PTDSS2: variants seen among roughly 807,000 people sequenced by gnomAD.
PTDSS2 encodes the protein phosphatidylserine synthase 2, also known as PSS-2.
In PTDSS2, 41 loss-of-function variants were observed where a neutral mutation model predicts 64.7. The ratio of observed to expected loss-of-function variants is 0.63; its 90% CI spans 0.49 to 0.82. PTDSS2 has a LOEUF of 0.82. Ranked by LOEUF, PTDSS2 falls within the 40% of genes least tolerant of loss-of-function variation. PTDSS2 has a pLI of 0.00. For synonymous variants in PTDSS2, 297 were observed against 277.8 expected, an observed-to-expected ratio of 1.07 and a Z score of -0.69; for missense variants, 485 against 650.0, an observed-to-expected ratio of 0.75 and a Z score of 2.76.
intron 2 of PTDSS2, among the ~76,000 whole-genome samples, chr11:464,584 C>T (rs748105209): frequency 6.6e-6 from 1 of 152,218 alleles, no homozygotes; most frequent in East Asian, 1.9e-4. Flanking sequence ...CGCAGTTGCT[C>T]CTCCGGCCTG....
intron 4 of PTDSS2, among the ~76,000 whole-genome samples, chr11:480,773 T>C (rs1848032797): frequency 6.6e-6 from 1 of 152,096 alleles, no homozygotes; most frequent in Non-Finnish European, 1.5e-5. Context: ...GGTCTTGAAC[T>C]CCTGACCTCA....
intron 1 of PTDSS2, among the ~76,000 whole-genome samples, chr11:455,740 A>G (rs1846559020): frequency 6.6e-6 from 1 of 152,148 alleles, no homozygotes; most frequent in Non-Finnish European, 1.5e-5. Context: ...TTTTACTGGG[A>G]CCTGGCTTTG....
At position 460,420 on chromosome 11, in the gene PTDSS2, T is replaced by C. The variant is rs1162198582; in HGVS notation, c.284+132T>C. On this transcript the variant is annotated intron_variant, in intron 2 of 11. Transcript: ENST00000308020. The surrounding 1 kb of genome is among the most constrained non-coding windows in gnomAD (Gnocchi z 5.8). Reference sequence around the variant, plus strand: ...AGGGCTGCGTGGGGCCGCCGGCCTCTCCCTTGAGTGTGTCTGATGTGCAGA... The same window carrying C: ...AGGGCTGCGTGGGGCCGCCGGCCTCCCCCTTGAGTGTGTCTGATGTGCAGA... 1 of 696,210 alleles carries C rather than the reference T, an allele frequency of 1.4e-6. No homozygotes were observed. Among genetic ancestry groups the C allele is most frequent in the African/African-American group, 1.8e-5 (1 of 56,654 alleles). 43.1% of individuals were successfully genotyped at this position (696,210 alleles called of 1,614,324 possible).
rs147706759 is a variant in PTDSS2, at chr11:475,407, CAT to C, written c.367+1433_367+1434del. On this transcript the variant is annotated intron_variant, in intron 3 of 11. Transcript: ENST00000308020. Reference sequence around the variant, plus strand: ...CATATTCACGCGTTTGTGATACAGACATATTCACGCATTTGTGTGTACAGACA... The same window carrying C: ...CATATTCACGCGTTTGTGATACAGACATTCACGCATTTGTGTGTACAGACA... Among the ~76,000 whole-genome samples, 396 of 63,280 alleles carry C rather than the reference CAT, an allele frequency of 6.3e-3. 3 individuals carry two copies. The highest frequency in any genetic ancestry group is 8.3e-3 in the Middle Eastern group (1 of 120). 41.5% of individuals were successfully genotyped at this position (63,280 alleles called of 152,430 possible).
intron 7 of PTDSS2, 90 bp from the exon 8 acceptor site, chr11:488,439 C>T: frequency 7.5e-7 from 1 of 1,340,016 alleles, no homozygotes; most frequent in Non-Finnish European, 1.1e-6. Flanking sequence ...GGCTGAGGGG[C>T]ATTCTCGGTT....
Position 450,599 on chromosome 11 carries a change from G to A in PTDSS2, c.144G>A (p.Glu48=), listed in dbSNP as rs186557747. ...CGGGCGAGGGCCGCCGCAGCACCGA[G>A]TCCGAGGTCTACGACGACGGCACCA... ...TGPGEGRRST[E]SEVYDDGTNT... is the part of the protein sequence containing the mutation. Residue 48 remains glutamate (E), a synonymous_variant, in exon 1 of 12, where the codon GAG becomes GAA. Transcript: ENST00000308020. 2 of 1,243,768 alleles carry A rather than the reference G, an allele frequency of 1.6e-6. No individual in the cohort carries two copies. Among genetic ancestry groups the A allele is most frequent in the Admixed American group, 4.2e-5 (1 of 23,646 alleles). 77.0% of individuals were successfully genotyped at this position (1,243,768 alleles called of 1,614,324 possible). A position where few individuals can be genotyped will look rare whatever the true frequency, so the allele number is the denominator to read the frequency against.
chr11:464,929 A>G (rs1053897387), intron 2 of PTDSS2, among the ~76,000 whole-genome samples: 1 of 152,234 alleles, frequency 6.6e-6, no homozygotes, highest in African/African-American at 2.4e-5. Flanking sequence ...AAAGTTGGAC[A>G]CAGAAACTAC....
At position 489,626 on chromosome 11, in the gene PTDSS2, T is replaced by A. The variant is rs757124486; in HGVS notation, c.1008T>A (p.Phe336Leu). The change falls in exon 10 of 12, where the codon TTT (phenylalanine) becomes TTA (leucine). Residue 336 changes from phenylalanine (F) to leucine (L), a missense_variant. Physicochemically the swap from Phe to Leu is conservative, Grantham distance 22. Coordinates refer to ENST00000308020, the MANE Select transcript of PTDSS2 (RefSeq NM_030783.3). ...AACTGAACACGTTCTACCTGAAGTT[T>A]GTGCTGTGGATGCCCCCGGAGCACT... ...LAELNTFYLK[F>L]VLWMPPEHYL... 1.9e-5 allele frequency: 31 copies of A among 1,595,256 alleles called. No homozygotes were observed. Among genetic ancestry groups the A allele is most frequent in the Non-Finnish European group, 2.6e-5 (30 of 1,170,930 alleles).
intron 2 of PTDSS2, among the ~76,000 whole-genome samples, chr11:468,921 GTC>G (rs1478228369): frequency 6.7e-6 from 1 of 148,606 alleles, no homozygotes; most frequent in Non-Finnish European, 1.5e-5. Context: ...GAGGAGGGGA[GTC>G]TCTGGGTAAT....
intron 4 of PTDSS2, among the ~76,000 whole-genome samples, chr11:485,316 C>T (rs1461836834): frequency 8.3e-6 from 1 of 120,972 alleles, no homozygotes; most frequent in African/African-American, 3.2e-5. Flanking sequence ...TGTGCGCAGG[C>T]GAGTGTAAGT....
At chr11:451,880 T>G (rs1439170533) in intron 1 of PTDSS2, among the ~76,000 whole-genome samples, 3 of 152,130 alleles carry the variant, frequency 2.0e-5, no homozygotes, top group Non-Finnish European at 4.4e-5. Flanking sequence ...CGAGCTCTCC[T>G]TTGGGGAGAT....
chr11:475,055 G>A (rs1198298267), intron 3 of PTDSS2, among the ~76,000 whole-genome samples: 5 of 136,152 alleles, frequency 3.7e-5, no homozygotes, highest in African/African-American at 8.6e-5. Context: ...GGACATTCAC[G>A]CGTTTGTGTG....
At chr11:474,939 C>T (rs960684795) in intron 3 of PTDSS2, among the ~76,000 whole-genome samples, 3 of 140,038 alleles carry the variant, frequency 2.1e-5, no homozygotes, top group African/African-American at 8.4e-5. Context: ...GTTTATGATA[C>T]GGACATAATC....
Position 490,478 on chromosome 11 carries a change from C to T in PTDSS2, c.1360C>T (p.Gln454Ter). 6.2e-7 allele frequency: 1 copy of T among 1,613,188 alleles called. No individual in the cohort carries two copies. Residue 454 changes from glutamine to a stop codon, truncating the protein, a stop_gained, in exon 12 of 12, where the codon CAG becomes TAG. Transcript: ENST00000308020. LOFTEE classifies it low-confidence loss of function (END_TRUNC). ...RWQKWQNKDD[Q>*]GSTVGNGDQH... ...GCAGAAGTGGCAGAACAAGGATGAC[C>T]AGGGCAGCACCGTCGGCAACGGGGA...
Position 487,071 on chromosome 11 carries a change from TG to T in PTDSS2, c.570+1del. ...TGAGACTGACCCCTTTCACAACATC[TG>T]GGTAAGACGCCGGGGGCCCTGAGGC... ...DNETDPFHNI[W>X]DKLDGFVPAH... On this transcript the variant is annotated frameshift_variant and splice_region_variant, in exon 5 of 12. Coordinates refer to ENST00000308020, the MANE Select transcript of PTDSS2 (RefSeq NM_030783.3). LOFTEE classifies it high-confidence loss of function. 3 of 1,612,040 alleles carry T rather than the reference TG, an allele frequency of 1.9e-6. No individual in the cohort carries two copies. The highest frequency in any genetic ancestry group is 2.5e-6 in the Non-Finnish European group (3 of 1,179,278).
intron 2 of PTDSS2, among the ~76,000 whole-genome samples, chr11:467,483 C>T (rs954993239): frequency 6.6e-6 from 1 of 152,272 alleles, no homozygotes; most frequent in Admixed American, 6.5e-5. Context: ...TTGGGCTGGA[C>T]GTGGTGGTTC....
intron 6 of PTDSS2, 48 bp downstream of exon 6, chr11:487,518 GC>G: frequency 6.4e-7 from 1 of 1,563,410 alleles, no homozygotes; most frequent in Non-Finnish European, 8.8e-7. Context: ...TCTGAGGCCT[GC>G]CGTGGGCTCT....
chr11:473,609 G>A (rs760985481), intron 2 of PTDSS2, among the ~76,000 whole-genome samples: 8 of 152,246 alleles, frequency 5.3e-5, no homozygotes, highest in Non-Finnish European at 7.3e-5. Flanking sequence ...TCCCTGCCGC[G>A]GAGGAGGCAA....
At chr11:472,545 G>T (rs1847517420) in intron 2 of PTDSS2, among the ~76,000 whole-genome samples, 1 of 152,178 alleles carries the variant, frequency 6.6e-6, no homozygotes. Context: ...GACCCTCAGG[G>T]CTCTGGGTGG....
Sources: gnomAD v4.1 joint callset for allele counts (sites outside exome capture counted in the v4.1 genomes callset) on GRCh38, gnomAD v4.1.1 for gene constraint, Gnocchi (gnomAD v3.1) non-coding constraint, MANE v1.5 for transcripts, NCBI Gene and HGNC (gene_info 2026-07-23, HGNC 2026-07-21) for gene names.